DSCAM: variants seen among roughly 807,000 people sequenced by gnomAD.
DSCAM encodes cell adhesion molecule DSCAM.
DSCAM carries 47 observed loss-of-function variants against 217.7 expected under a neutral mutation model. The observed-to-expected ratio is 0.22, with a 90% CI of 0.17 to 0.28. The LOEUF is 0.28. Among genes scored for constraint, DSCAM ranks in the 10% least tolerant of loss-of-function variants. DSCAM has a pLI of 1.00. For synonymous variants in DSCAM, 1,056 were observed against 1,015.3 expected (o/e 1.04, Z -0.76); for missense variants, 2,080 against 2,618.3 (o/e 0.79, Z 4.49).
chr21:40,032,826 T>C (rs1459821838), intron 32 of DSCAM, among the ~76,000 whole-genome samples: 1 of 152,188 alleles, frequency 6.6e-6, no homozygotes, highest in Admixed American at 6.5e-5. Flanking sequence ...GGCATAGATC[T>C]CAAACCTTGT....
intron 1 of DSCAM, among the ~76,000 whole-genome samples, chr21:40,750,816 A>G (rs184338301): frequency 3.3e-5 from 5 of 152,014 alleles, no homozygotes; most frequent in East Asian, 3.9e-4. Flanking sequence ...CTCAAATCCA[A>G]CCTATCAGAA....
At chr21:40,041,049 T>G (rs1260088574) in intron 32 of DSCAM, among the ~76,000 whole-genome samples, 1 of 152,234 alleles carries the variant, frequency 6.6e-6, no homozygotes, top group Non-Finnish European at 1.5e-5. Context: ...GGCATGAATC[T>G]TGAGCTGGTA....
chr21:40,402,348 C>T (rs1391392458), intron 3 of DSCAM, among the ~76,000 whole-genome samples: 1 of 151,560 alleles, frequency 6.6e-6, no homozygotes, highest in Non-Finnish European at 1.5e-5. Context: ...GGATTACAGG[C>T]TCGAGCCACC....
At chr21:40,107,139 T>C (rs1420259841) in intron 20 of DSCAM, among the ~76,000 whole-genome samples, 1 of 152,224 alleles carries the variant, frequency 6.6e-6, no homozygotes, top group Non-Finnish European at 1.5e-5. Flanking sequence ...AACACTGCCT[T>C]AGCAGTGTCT....
intron 1 of DSCAM, among the ~76,000 whole-genome samples, chr21:40,743,130 C>T (rs916977181): frequency 6.6e-6 from 1 of 152,150 alleles, no homozygotes; most frequent in Non-Finnish European, 1.5e-5. Context: ...ATCTTTATGG[C>T]CTGAATACAG....
chr21:40,328,546 G>C (rs1286174082), intron 8 of DSCAM, among the ~76,000 whole-genome samples: 2 of 152,092 alleles, frequency 1.3e-5, no homozygotes, highest in Non-Finnish European at 2.9e-5. Flanking sequence ...AGAAAACATA[G>C]GGAAAAATCT....
chr21:40,577,616 C>G (rs1413749145), intron 3 of DSCAM, among the ~76,000 whole-genome samples: 1 of 152,078 alleles, frequency 6.6e-6, no homozygotes. Flanking sequence ...TATTAGCCGG[C>G]GACGAGAGAC....
chr21:40,489,211 A>C (rs1360551606), intron 3 of DSCAM, among the ~76,000 whole-genome samples: 2 of 152,208 alleles, frequency 1.3e-5, no homozygotes, highest in African/African-American at 2.4e-5. Flanking sequence ...TGAGCAAAGC[A>C]GACTGCCCTC....
intron 11 of DSCAM, among the ~76,000 whole-genome samples, chr21:40,228,878 A>G (rs1377604868): frequency 6.6e-6 from 1 of 152,182 alleles, no homozygotes; most frequent in Non-Finnish European, 1.5e-5. Flanking sequence ...TGACAGAAAA[A>G]AAAATGTGTG....
At chr21:40,187,347 CG>C in intron 13 of DSCAM, 88 bp from the exon 14 acceptor site, 1 of 1,519,338 alleles carries the variant, frequency 6.6e-7, no homozygotes, top group South Asian at 1.2e-5. Flanking sequence ...GACTCACAAA[CG>C]ATTTGTCTGC....
intron 1 of DSCAM, among the ~76,000 whole-genome samples, chr21:40,828,523 G>T (rs1018434396): frequency 4.6e-5 from 7 of 152,106 alleles, no homozygotes; most frequent in African/African-American, 1.7e-4. Context: ...CTAGCCAAAT[G>T]GCACTCCGCT....
chr21:40,739,944 T>C (rs1318223453), intron 1 of DSCAM, among the ~76,000 whole-genome samples: 1 of 145,562 alleles, frequency 6.9e-6, no homozygotes, highest in Non-Finnish European at 1.5e-5. Flanking sequence ...CTCTAGATGA[T>C]GCAGGTGTAA....
intron 11 of DSCAM, among the ~76,000 whole-genome samples, chr21:40,240,347 T>TG (rs1264481340): frequency 7.4e-6 from 1 of 134,304 alleles, no homozygotes; most frequent in African/African-American, 2.9e-5. Flanking sequence ...GCTTCCTCAC[T>TG]GGTTTTTTTT....
intron 8 of DSCAM, among the ~76,000 whole-genome samples, chr21:40,335,594 G>A (rs1727501018): frequency 6.6e-6 from 1 of 152,030 alleles, no homozygotes; most frequent in Non-Finnish European, 1.5e-5. Context: ...TTTATCCAAT[G>A]GTCATACTTC....
intron 3 of DSCAM, among the ~76,000 whole-genome samples, chr21:40,415,615 G>A (rs2837617): frequency 0.25 from 38,279 of 152,210 alleles, 6,234 homozygotes; most frequent in Non-Finnish European, 0.36. Flanking sequence ...GCCTGGACAG[G>A]GAAGTTGCCC....
At chr21:40,091,172 T>C (rs2089604299) in intron 21 of DSCAM, among the ~76,000 whole-genome samples, 1 of 152,144 alleles carries the variant, frequency 6.6e-6, no homozygotes, top group African/African-American at 2.4e-5. Flanking sequence ...TTTCTGTAAA[T>C]CTAAAACTGT....
intron 8 of DSCAM, among the ~76,000 whole-genome samples, chr21:40,318,966 T>C (rs906791810): frequency 3.3e-5 from 5 of 152,156 alleles, no homozygotes; most frequent in Non-Finnish European, 5.9e-5. Context: ...GACAAGGCAT[T>C]GTCCTTGCAG....
chr21:40,423,903 G>C (rs1008999182), intron 3 of DSCAM, among the ~76,000 whole-genome samples: 1 of 152,164 alleles, frequency 6.6e-6, no homozygotes, highest in Admixed American at 6.5e-5. Flanking sequence ...GGGGAAGAGG[G>C]AGATGCTGGA....
chr21:40,096,323 A>G (rs1300838177), intron 20 of DSCAM, among the ~76,000 whole-genome samples: 1 of 152,156 alleles, frequency 6.6e-6, no homozygotes, highest in Non-Finnish European at 1.5e-5. Context: ...ATGTCTCGCT[A>G]AAATGCATAA....
Sources: allele counts gnomAD v4.1 joint callset (sites outside exome capture counted in the v4.1 genomes callset), GRCh38; gene constraint gnomAD v4.1.1; transcripts MANE v1.5; gene names NCBI Gene and HGNC (gene_info 2026-07-23, HGNC 2026-07-21).